The following SLC39A14 variants were observed in gnomAD, a reference collection of about 807,000 sequenced individuals.
SLC39A14 encodes the protein metal cation symporter ZIP14.
In SLC39A14, 19 loss-of-function variants were observed where a neutral mutation model predicts 45.5. That is an observed-to-expected ratio of 0.42 (90% CI 0.29 to 0.61). The LOEUF is 0.61. Ranked by LOEUF, SLC39A14 falls within the 20% of genes least tolerant of loss-of-function variation. The pLI, the probability that SLC39A14 is intolerant of heterozygous loss-of-function variation, is 0.22. For missense variants in SLC39A14, 447 were observed against 616.5 expected, an observed-to-expected ratio of 0.73 and a Z score of 2.91; for synonymous variants, 264 against 251.3, an observed-to-expected ratio of 1.05 and a Z score of -0.48.
At chr8:22,396,391 GAGAGAGAGAGAGAGAGAGA>G (rs776956239) in intron 1 of SLC39A14, among the ~76,000 whole-genome samples, 405 of 6,872 alleles carry the variant, frequency 0.059, 9 homozygotes, top group East Asian at 0.14. Context: ...TAAATAGAGA[GAGAGAGAGAGAGAGAGAGA>G]GAGGGGGGGG....
Position 22,417,674 on chromosome 8 carries a change from G to T in SLC39A14, c.1171G>T (p.Ala391Ser). ...ELGDFVILLN[A>S]GMSIQQALFF... ...AGGAGACTTTGTCATCCTGCTCAAC[G>T]CTGGGATGAGCATCCAACAAGCTCT... The change falls in exon 8 of 9, where the codon GCT (alanine) becomes TCT (serine). Residue 391 changes from alanine to serine, a missense_variant. This residue lies in a region of SLC39A14 where 105 missense variants were observed against 188.4 expected (regional missense o/e 0.56). Coordinates refer to ENST00000381237, the MANE Select transcript of SLC39A14 (RefSeq NM_001128431.4). 1 of 1,613,824 alleles carries T rather than the reference G, an allele frequency of 6.2e-7. No individual in the cohort carries two copies. The highest frequency in any genetic ancestry group is 8.5e-7 in the Non-Finnish European group (1 of 1,179,868).
In SLC39A14 at chr8:22,412,224, C is replaced by T. The variant is rs530812159; in HGVS notation, c.627+18C>T. The T allele has an allele frequency of 1.0e-5, 16 of 1,550,888 alleles. No homozygotes were observed. In the East Asian group the frequency reaches 2.2e-4, roughly 21 times the overall value. Reference sequence around the variant, plus strand: ...TCCCGGAGGTATGGCAAGCCAGGGCCTTCACCCCGGAGCATGCCGGCGGGC... The same window carrying T: ...TCCCGGAGGTATGGCAAGCCAGGGCTTTCACCCCGGAGCATGCCGGCGGGC... On this transcript the variant is annotated intron_variant, in intron 4 of 8. Transcript: ENST00000381237.
At chr8:22,412,538 G>A (rs1450080367) in intron 4 of SLC39A14, among the ~76,000 whole-genome samples, 1 of 152,218 alleles carries the variant, frequency 6.6e-6, no homozygotes, top group Non-Finnish European at 1.5e-5. Context: ...GCAGCACTGA[G>A]TGCCTGGTGC....
intron 1 of SLC39A14, among the ~76,000 whole-genome samples, chr8:22,368,073 G>C (rs772576931): frequency 6.6e-6 from 1 of 152,122 alleles, no homozygotes; most frequent in Non-Finnish European, 1.5e-5. Context: ...GTCAGCTCTG[G>C]ACTAGGGGTT....
intron 4 of SLC39A14, among the ~76,000 whole-genome samples, chr8:22,413,955 T>C (rs1350600431): frequency 6.6e-6 from 1 of 152,068 alleles, no homozygotes; most frequent in African/African-American, 2.4e-5. Context: ...GTATTTTTTT[T>C]TTTAGTAGAG....
At chr8:22,370,567 C>T (rs1397258199) in intron 1 of SLC39A14, among the ~76,000 whole-genome samples, 1 of 152,124 alleles carries the variant, frequency 6.6e-6, no homozygotes, top group African/African-American at 2.4e-5. Flanking sequence ...TTGGTATTCC[C>T]GAGTCACATG....
At chr8:22,402,965 G>GAT (rs1834967758) in intron 1 of SLC39A14, among the ~76,000 whole-genome samples, 1 of 110,938 alleles carries the variant, frequency 9.0e-6, no homozygotes, top group African/African-American at 4.1e-5. Flanking sequence ...TTTTAGTTAT[G>GAT]GTGTTTGTTT....
chr8:22,397,518 C>A (rs549572888), intron 1 of SLC39A14, among the ~76,000 whole-genome samples: 2 of 151,992 alleles, frequency 1.3e-5, no homozygotes, highest in South Asian at 4.2e-4. Context: ...GCGGAGCTTG[C>A]AGTGAGCCGA....
chr8:22,428,325 CAG>C lies in SLC39A14; in HGVS notation c.1333-5562_1333-5561del, dbSNP rs747128247. ...AAATAAAATAAAATAAAAATCTAAA[CAG>C]AGATCTCAATATCATCTTTATCTGG... is the stretch of plus-strand genomic sequence containing the variant. On this transcript the variant is annotated intron_variant, in intron 8 of 8. Coordinates refer to the SLC39A14 transcript ENST00000240095. Among the ~76,000 whole-genome samples the C allele has an allele frequency of 1.1e-4, 16 of 152,054 alleles. No homozygotes were observed. The East Asian group carries it at 1.2e-3, about 11-fold the overall frequency.
At chr8:22,394,679 C>G (rs1313186605) in intron 1 of SLC39A14, among the ~76,000 whole-genome samples, 2 of 152,168 alleles carry the variant, frequency 1.3e-5, no homozygotes, top group East Asian at 1.9e-4. Context: ...TCTTACCATA[C>G]TTTCTGCATT....
At chr8:22,384,519 C>G (rs1408576044) in intron 1 of SLC39A14, among the ~76,000 whole-genome samples, 2 of 148,442 alleles carry the variant, frequency 1.3e-5, no homozygotes, top group Admixed American at 1.3e-4. Context: ...AGGCCAAGGT[C>G]GACAGATCAC....
At chr8:22,393,590 A>C (rs1834202139) in intron 1 of SLC39A14, among the ~76,000 whole-genome samples, 1 of 152,208 alleles carries the variant, frequency 6.6e-6, no homozygotes, top group African/African-American at 2.4e-5. Flanking sequence ...TTGACCATGA[A>C]TATCCAGAGT....
At chr8:22,380,222 C>G (rs956381091) in intron 1 of SLC39A14, among the ~76,000 whole-genome samples, 1 of 152,146 alleles carries the variant, frequency 6.6e-6, no homozygotes, top group Non-Finnish European at 1.5e-5. Flanking sequence ...ATGACTGTAC[C>G]AGCAACTTGC....
At chr8:22,387,601 G>T (rs1833858027) in intron 1 of SLC39A14, among the ~76,000 whole-genome samples, 2 of 152,180 alleles carry the variant, frequency 1.3e-5, no homozygotes, top group Admixed American at 1.3e-4. Context: ...CATACCCCCT[G>T]CCTTGAAGTT....
At chr8:22,390,995 G>A (rs1037500609) in intron 1 of SLC39A14, among the ~76,000 whole-genome samples, 2 of 152,162 alleles carry the variant, frequency 1.3e-5, no homozygotes, top group Admixed American at 1.3e-4. Context: ...TGGAGCAGGC[G>A]GCTTCTTGTG....
intron 1 of SLC39A14, among the ~76,000 whole-genome samples, chr8:22,388,314 C>T (rs77728752): frequency 0.03 from 4,594 of 152,124 alleles, 217 homozygotes; most frequent in African/African-American, 0.1. Flanking sequence ...GCATGGGGTG[C>T]GTGCAAACCA....
chr8:22,408,579 C>A (rs892842882), intron 3 of SLC39A14, 83 bp downstream of exon 3: 1 of 1,320,438 alleles, frequency 7.6e-7, no homozygotes, highest in South Asian at 1.4e-5. Flanking sequence ...TGCTGCTGCT[C>A]CTCACTGAAT....
intron 1 of SLC39A14, among the ~76,000 whole-genome samples, chr8:22,395,503 G>A (rs1043146378): frequency 1.5e-4 from 23 of 152,174 alleles, no homozygotes; most frequent in Admixed American, 8.5e-4. Context: ...CCTGCTCAAG[G>A]TCATCGCCAA....
intron 1 of SLC39A14, among the ~76,000 whole-genome samples, chr8:22,380,510 C>T (rs1188074781): frequency 6.6e-6 from 1 of 152,158 alleles, no homozygotes; most frequent in East Asian, 1.9e-4. Flanking sequence ...GAGATGAGGC[C>T]TCAGTGTTGC....
Sources: allele counts gnomAD v4.1 joint callset (sites outside exome capture counted in the v4.1 genomes callset), GRCh38; gene constraint gnomAD v4.1.1; regional missense constraint gnomAD v4.1.1; transcripts MANE v1.5; gene names NCBI Gene and HGNC (gene_info 2026-07-23, HGNC 2026-07-21).